Variants in AATK observed in about 807,000 individuals in gnomAD.
AATK encodes the protein lemur tail kinase 1, also known as serine/threonine-protein kinase LMTK1.
A neutral mutation model predicts 114.3 loss-of-function variants in AATK; 91 were observed. The ratio of observed to expected loss-of-function variants is 0.80; its 90% CI spans 0.67 to 0.95. The LOEUF is 0.95. AATK is among the 40% of genes least tolerant of loss of function. The pLI is 0.00. For missense variants in AATK, 2,176 were observed against 1,965.2 expected, an observed-to-expected ratio of 1.11 and a Z score of -2.03; for synonymous variants, 1,075 against 916.5, an observed-to-expected ratio of 1.17 and a Z score of -3.12.
chr17:81,132,676 G>T, intron 2 of AATK: 1 of 321,054 alleles, frequency 3.1e-6, no homozygotes, highest in South Asian at 2.3e-5. Context: ...GGGGCCAGCC[G>T]GGTCCTGCCG....
rs1461210641 is a variant in AATK, at chr17:81,120,798, C to T, written c.3138G>A (p.Glu1046=). 1 of 1,569,262 alleles carries T rather than the reference C, an allele frequency of 6.4e-7. No homozygotes were observed. The change falls in exon 11 of 14, where the codon GAG becomes GAA. Residue 1046 remains glutamate, a synonymous_variant. Transcript: ENST00000326724. ...QVCLRPGVSG[E]AQGSGPGEVL... is the part of the protein sequence containing the mutation. ...CCTCCCCGGGGCCAGAGCCTTGTGC[C>T]TCCCCGGAAACCCCAGGCCTGAGAC...
intron 2 of AATK, chr17:81,131,807 G>A (rs751843074): frequency 2.8e-5 from 36 of 1,276,940 alleles, no homozygotes; most frequent in East Asian, 5.7e-5. Context: ...TGTGGGAGAA[G>A]CAATTAAGTG....
intron 1 of AATK, chr17:81,165,528 G>A: frequency 1.3e-6 from 1 of 794,950 alleles, no homozygotes; most frequent in Non-Finnish European, 1.8e-6. Context: ...AGCCTGGGAA[G>A]AAGCCTCCCA....
intron 1 of AATK, among the ~76,000 whole-genome samples, chr17:81,148,459 T>A (rs904803754): frequency 4.6e-5 from 7 of 152,208 alleles, no homozygotes; most frequent in Non-Finnish European, 1.0e-4. Context: ...CAGGGACCCT[T>A]CCTGCTCAAG....
intron 1 of AATK, among the ~76,000 whole-genome samples, chr17:81,154,882 G>A (rs188661037): frequency 1.5e-3 from 234 of 152,068 alleles, no homozygotes; most frequent in Non-Finnish European, 2.1e-3. Context: ...TGCCTGCCTC[G>A]GCCTCCCAAA....
chr17:81,121,186 T>C lies in AATK; in HGVS notation c.2750A>G (p.Tyr917Cys), dbSNP rs1381729602. Residue 917 changes from tyrosine (Y) to cysteine (C), a missense_variant, in exon 11 of 14, where the codon TAT becomes TGT. Tyr to Cys is a radical substitution (Grantham distance 194, BLOSUM62 -2). Coordinates refer to ENST00000326724, the MANE Select transcript of AATK (RefSeq NM_001080395.3). ...DIPSSASDGG[Y>C]EVFSPSATGP... ...AGTGGCCGACGGGCTGAAGACCTCA[T>C]AGCCACCATCACTGGCTGAGGACGG... The C allele has an allele frequency of 4.4e-6, 7 of 1,603,132 alleles. No individual in the cohort carries two copies. Among genetic ancestry groups the C allele is most frequent in the African/African-American group, 1.3e-5 (1 of 74,726 alleles).
Position 81,147,269 on chromosome 17 carries a change from G to A in AATK, c.56-12768C>T, listed in dbSNP as rs565633614. ...CCAGCTACTCGGGAGGCTGAGGCAG[G>A]AGAATCGCTTGAACCCGGAAGGCAG... On this transcript the variant is annotated intron_variant, in intron 1 of 13. Coordinates refer to ENST00000326724, the MANE Select transcript of AATK (RefSeq NM_001080395.3). Among the ~76,000 whole-genome samples the A allele has an allele frequency of 1.5e-3, 232 of 151,242 alleles. 1 individual carries two copies. Among genetic ancestry groups the A allele is most frequent in the Non-Finnish European group, 2.5e-3 (170 of 67,896 alleles).
rs201550395 is a variant in AATK, at chr17:81,120,638, A to G, written c.3298T>C (p.Phe1100Leu). Residue 1100 changes from phenylalanine to leucine, a missense_variant, in exon 11 of 14, where the codon TTT becomes CTT. This residue lies in a region of AATK where 1,701 missense variants were observed against 1,394.7 expected (regional missense o/e 1.22). Coordinates refer to ENST00000326724, the MANE Select transcript of AATK (RefSeq NM_001080395.3). ...RPGPSPSCSQ[F>L]FLLTPVPLRS... is the part of the protein sequence containing the mutation. ...AGCGGAACCGGGGTCAGCAGGAAAAACTGGGAGCAGCTGGGGCTGGGCCCA... is the reference window on the plus strand; with the variant it reads ...AGCGGAACCGGGGTCAGCAGGAAAAGCTGGGAGCAGCTGGGGCTGGGCCCA... 2.6e-6 allele frequency: 4 copies of G among 1,535,542 alleles called. No individual in the cohort carries two copies. The South Asian group carries it at 5.1e-5, about 19-fold the overall frequency.
chr17:81,127,740 G>A, intron 5 of AATK, 52 bp downstream of exon 5: 1 of 1,510,330 alleles, frequency 6.6e-7, no homozygotes, highest in Non-Finnish European at 9.0e-7. Flanking sequence ...GAGCAGGGGA[G>A]GGAGAGGAGG....
chr17:81,119,249 G>GCCGGGAAGGAGCGGGT, intron 13 of AATK, 131 bp downstream of exon 13: 1 of 982,928 alleles, frequency 1.0e-6, no homozygotes, highest in Non-Finnish European at 1.4e-6. Context: ...AAGGAGCGGG[G>GCCGGGAAGGAGCGGGT]CCGGGAAGGA....
intron 3 of AATK, chr17:81,128,822 C>T (rs2060887519): frequency 8.1e-6 from 10 of 1,239,954 alleles, no homozygotes; most frequent in South Asian, 1.7e-5. Flanking sequence ...TGGGATAGCC[C>T]GGCCAGGGAC....
chr17:81,123,163 G>T (rs1054421750), intron 10 of AATK, 31 bp downstream of exon 10: 3 of 1,409,334 alleles, frequency 2.1e-6, no homozygotes, highest in African/African-American at 3.0e-5. Context: ...TCTCGGCCTG[G>T]CTGTCCGGGA....
intron 1 of AATK, among the ~76,000 whole-genome samples, chr17:81,164,763 C>T (rs2174650): frequency 6.6e-6 from 1 of 151,976 alleles, no homozygotes; most frequent in African/African-American, 2.4e-5. Context: ...CAGCTGTTGC[C>T]GTGGCTGTTG....
intron 3 of AATK, among the ~76,000 whole-genome samples, chr17:81,129,708 G>A (rs751024846): frequency 4.6e-5 from 7 of 152,112 alleles, no homozygotes; most frequent in Non-Finnish European, 1.0e-4. Flanking sequence ...ATCTTCGGGG[G>A]CCAGGCACAC....
Position 81,119,482 on chromosome 17 carries a change from T to TGGGCGTGGGCGC in AATK, c.3981_3982insGCGCCCACGCCC (p.Pro1327_Thr1328insAlaProThrPro). 1 of 1,511,038 alleles carries TGGGCGTGGGCGC rather than the reference T, an allele frequency of 6.6e-7. No individual in the cohort carries two copies. The highest frequency in any genetic ancestry group is 1.3e-5 in the South Asian group (1 of 77,918). The allele number at this position is 1,511,038 out of a possible 1,614,324, so 93.6% of individuals were successfully genotyped here. A position where few individuals can be genotyped will look rare whatever the true frequency, so the allele number is the denominator to read the frequency against. ...CGCGAGAAGGGAGCGGGCGTGGGCG[T>TGGGCGTGGGCGC]GGGCGCAGCCGGGGCGGGTGCGGCC... On this transcript the variant is annotated inframe_insertion, in exon 13 of 14. Coordinates refer to ENST00000326724, the MANE Select transcript of AATK (RefSeq NM_001080395.3).
Position 81,124,967 on chromosome 17 carries a change from T to C in AATK, c.803A>G (p.Lys268Arg), listed in dbSNP as rs1346802560. 1.9e-6 allele frequency: 3 copies of C among 1,580,112 alleles called. No homozygotes were observed. Among genetic ancestry groups the C allele is most frequent in the Admixed American group, 1.8e-5 (1 of 55,660 alleles). The change falls in exon 8 of 14, where the codon AAG (lysine) becomes AGG (arginine). Residue 268 changes from lysine (K) to arginine (R), a missense_variant. Around this residue, in one of 4 missense-constraint regions of AATK, gnomAD observed 273 missense variants for 344.1 expected, o/e 0.79. Transcript: ENST00000326724. ...NCLLTADLTV[K>R]IGDYGLAHCK... The stretch of plus-strand genomic sequence containing the variant: ...GTGAGCCAGGCCATAGTCACCAATC[T>C]TCACCGTCAGGTCAGCCGTGAGCAG...
rs577890591 is a variant in AATK, at chr17:81,128,466, G to C, written c.414+4C>G. 63 of 1,548,646 alleles carry C rather than the reference G, an allele frequency of 4.1e-5. No individual in the cohort carries two copies. The highest frequency in any genetic ancestry group is 5.3e-5 in the Non-Finnish European group (61 of 1,146,798). ...GAGTCCTCCCTCCCAGGCGGGACACGTACCTTCCCGAACCAGCCACGGCCG... is the reference window on the plus strand; with the variant it reads ...GAGTCCTCCCTCCCAGGCGGGACACCTACCTTCCCGAACCAGCCACGGCCG... On this transcript the variant is annotated splice_donor_region_variant and intron_variant, in intron 4 of 13. Transcript: ENST00000326724.
chr17:81,145,424 C>T (rs1046236598), intron 1 of AATK, among the ~76,000 whole-genome samples: 1 of 151,918 alleles, frequency 6.6e-6, no homozygotes, highest in East Asian at 1.9e-4. Context: ...ATATTGAAGG[C>T]TTTGGCTCCG....
intron 1 of AATK, among the ~76,000 whole-genome samples, chr17:81,138,258 GAC>G (rs935865994): frequency 2.5e-5 from 3 of 119,144 alleles, no homozygotes; most frequent in Non-Finnish European, 5.2e-5. Context: ...CATGCACAGA[GAC>G]ATACCCACAT....
Sources: gnomAD v4.1 joint callset for allele counts (sites outside exome capture counted in the v4.1 genomes callset) on GRCh38, gnomAD v4.1.1 for gene constraint, gnomAD v4.1.1 regional missense constraint, MANE v1.5 for transcripts, NCBI Gene and HGNC (gene_info 2026-07-23, HGNC 2026-07-21) for gene names.